TMOD3: variants seen among roughly 807,000 people sequenced by gnomAD.
TMOD3 encodes the protein tropomodulin 3.
TMOD3 carries 20 observed loss-of-function variants against 39.2 expected under a neutral mutation model. The observed-to-expected ratio is 0.51, with a 90% CI of 0.36 to 0.74. TMOD3 has a LOEUF of 0.74. Among genes scored for constraint, TMOD3 ranks in the 30% least tolerant of loss-of-function variants. TMOD3 has a pLI of 0.00. For missense variants in TMOD3, 381 were observed against 412.8 expected (o/e 0.92, Z 0.67); for synonymous variants, 143 against 145.8 (o/e 0.98, Z 0.14).
chr15:51,876,775 A>T (rs184163905), intron 3 of TMOD3, among the ~76,000 whole-genome samples: 3,131 of 148,892 alleles, frequency 0.021, 98 homozygotes, highest in East Asian at 0.076. Context: ...CGCTTTTTTT[A>T]AAAAAAAAAA....
chr15:51,912,516 T>A lies in TMOD3; in HGVS notation c.*3706T>A, dbSNP rs920380053. ...AACTCTTGCTGTCATTAAAATAAGA[T>A]GACAACATTTATGAAGTTTTATAAA... On this transcript the variant is annotated 3_prime_UTR_variant, in exon 10 of 10. Transcript: ENST00000308580. 1 of 152,098 alleles carries A rather than the reference T, an allele frequency of 6.6e-6. No homozygotes were observed. Among genetic ancestry groups the A allele is most frequent in the Non-Finnish European group, 1.5e-5 (1 of 68,020 alleles). The allele number at this position is 152,098 out of a possible 1,614,324, so 9.4% of individuals were successfully genotyped here. A position where few individuals can be genotyped will look rare whatever the true frequency, so the allele number is the denominator to read the frequency against.
chr15:51,839,163 C>CTTTTTT (rs111813783), intron 1 of TMOD3, among the ~76,000 whole-genome samples: 5,236 of 109,696 alleles, frequency 0.048, 746 homozygotes, highest in African/African-American at 0.15. Context: ...AGGTGTATCT[C>CTTTTTT]TCTTTTTTTT....
chr15:51,868,265 AT>A (rs2141688630), intron 2 of TMOD3, among the ~76,000 whole-genome samples: 1 of 152,282 alleles, frequency 6.6e-6, no homozygotes, highest in African/African-American at 2.4e-5. Flanking sequence ...CTCTGTACAT[AT>A]ATATACACTG....
intron 1 of TMOD3, among the ~76,000 whole-genome samples, chr15:51,858,650 A>G (rs1304446534): frequency 4.6e-5 from 7 of 152,130 alleles, no homozygotes; most frequent in Admixed American, 4.6e-4. Context: ...TCCAGAACAA[A>G]TGCATACCAT....
rs1014769095 is a variant in TMOD3, at chr15:51,912,791, T to C, written c.*3981T>C. ...ATGCACTAGAGACAACTCGGGTTGC[T>C]GCTCTCAGTTAAGGGCTATGAGTTC... On this transcript the variant is annotated 3_prime_UTR_variant, in exon 10 of 10. Coordinates refer to ENST00000308580, the MANE Select transcript of TMOD3 (RefSeq NM_014547.5). 1.3e-5 allele frequency: 2 copies of C among 152,224 alleles called. No homozygotes were observed. The highest frequency in any genetic ancestry group is 2.4e-5 in the African/African-American group (1 of 41,454). 9.4% of individuals were successfully genotyped at this position (152,224 alleles called of 1,614,324 possible). A position where few individuals can be genotyped will look rare whatever the true frequency, so the allele number is the denominator to read the frequency against.
chr15:51,850,614 G>T (rs1389675502), intron 1 of TMOD3, among the ~76,000 whole-genome samples: 1 of 152,138 alleles, frequency 6.6e-6, no homozygotes, highest in African/African-American at 2.4e-5. Context: ...GAATTATTAG[G>T]CAGTACTCTT....
intron 1 of TMOD3, among the ~76,000 whole-genome samples, chr15:51,840,479 A>G (rs2056307830): frequency 1.3e-5 from 2 of 152,236 alleles, no homozygotes; most frequent in African/African-American, 2.4e-5. Flanking sequence ...ACAAATTAAC[A>G]TATCAATCCC....
intron 2 of TMOD3, among the ~76,000 whole-genome samples, chr15:51,867,245 A>G (rs1392398001): frequency 6.6e-6 from 1 of 152,220 alleles, no homozygotes; most frequent in Non-Finnish European, 1.5e-5. Flanking sequence ...GTTTCGACCA[A>G]AGTAATAATG....
At chr15:51,846,455 T>C (rs1204701668) in intron 1 of TMOD3, among the ~76,000 whole-genome samples, 1 of 152,256 alleles carries the variant, frequency 6.6e-6, no homozygotes, top group African/African-American at 2.4e-5. Context: ...ATGATTTCTT[T>C]TAGACCTGGC....
At chr15:51,860,320 G>A (rs1464337468) in intron 1 of TMOD3, 6 of 536,184 alleles carry the variant, frequency 1.1e-5, no homozygotes, top group Middle Eastern at 1.2e-3. Context: ...TAGATGATCC[G>A]TGCCAATTTG....
At chr15:51,849,910 G>C (rs972299289) in intron 1 of TMOD3, among the ~76,000 whole-genome samples, 2 of 152,010 alleles carry the variant, frequency 1.3e-5, no homozygotes, top group Admixed American at 6.5e-5. Context: ...TGTCAGCCTG[G>C]GTGACAGAAC....
At chr15:51,854,401 A>G (rs1379422027) in intron 1 of TMOD3, among the ~76,000 whole-genome samples, 1 of 152,236 alleles carries the variant, frequency 6.6e-6, no homozygotes, top group African/African-American at 2.4e-5. Context: ...CTTTTGGGCC[A>G]GAGAGCAATA....
At chr15:51,902,644 A>ATTTTTTT (rs200954393) in intron 9 of TMOD3, among the ~76,000 whole-genome samples, 16 of 95,004 alleles carry the variant, frequency 1.7e-4, no homozygotes, top group East Asian at 1.1e-3. Flanking sequence ...TAATTTTTGT[A>ATTTTTTT]TTTTTTTTTT....
chr15:51,879,890 G>GC (rs2056524597), intron 3 of TMOD3, among the ~76,000 whole-genome samples: 1 of 37,508 alleles, frequency 2.7e-5, no homozygotes, highest in African/African-American at 9.9e-5. Flanking sequence ...ACACACACAC[G>GC]AAGAAGAAAT....
chr15:51,832,203 T>TTATATATATATATATATATA (rs3985812), intron 1 of TMOD3, among the ~76,000 whole-genome samples: 1,501 of 78,952 alleles, frequency 0.019, 80 homozygotes, highest in Non-Finnish European at 0.029. Flanking sequence ...AGAAAAAAAA[T>TTATATATATATATATATATA]TATATATATA....
Position 51,908,832 on chromosome 15 carries a change from G to A in TMOD3, c.*22G>A, listed in dbSNP as rs2056695610. The A allele has an allele frequency of 1.3e-6, 2 of 1,594,940 alleles. No homozygotes were observed. Among genetic ancestry groups the A allele is most frequent in the Non-Finnish European group, 1.7e-6 (2 of 1,170,670 alleles). ...GTAAGTCTGCAAAGGTGTAATCTTTGGAAGACTTCAGAAGATCACCAAGGG... is the reference window on the plus strand; with the variant it reads ...GTAAGTCTGCAAAGGTGTAATCTTTAGAAGACTTCAGAAGATCACCAAGGG... On this transcript the variant is annotated 3_prime_UTR_variant, in exon 10 of 10. Coordinates refer to ENST00000308580, the MANE Select transcript of TMOD3 (RefSeq NM_014547.5).
At chr15:51,900,385 G>A (rs1447640425) in intron 8 of TMOD3, 87 bp downstream of exon 8, 22 of 1,463,954 alleles carry the variant, frequency 1.5e-5, no homozygotes, top group East Asian at 2.3e-5. Context: ...GATGGGAGGC[G>A]GGCTGTCAGG....
intron 3 of TMOD3, among the ~76,000 whole-genome samples, chr15:51,876,343 A>G (rs1453314029): frequency 6.6e-6 from 1 of 151,816 alleles, no homozygotes; most frequent in Non-Finnish European, 1.5e-5. Context: ...TAATTTTTAA[A>G]ATTCTTTTTA....
intron 1 of TMOD3, chr15:51,860,037 C>G: frequency 1.9e-6 from 1 of 533,604 alleles, no homozygotes; most frequent in East Asian, 5.2e-5. Context: ...TTCACTGCCT[C>G]TTCATATACG....
Sources: allele counts gnomAD v4.1 joint callset (sites outside exome capture counted in the v4.1 genomes callset), GRCh38; gene constraint gnomAD v4.1.1; transcripts MANE v1.5; gene names NCBI Gene and HGNC (gene_info 2026-07-23, HGNC 2026-07-21).